The following OR51G2 variants were observed in gnomAD, a reference collection of about 807,000 sequenced individuals.
OR51G2 encodes olfactory receptor 51G2.
A neutral mutation model predicts 11.8 loss-of-function variants in OR51G2; 13 were observed. The observed-to-expected ratio is 1.10, with a 90% CI of 0.72 to 1.76. The LOEUF (loss-of-function observed/expected upper bound fraction) is 1.76, where lower values mean the gene tolerates loss of function less well. OR51G2 is among the 40% of genes most tolerant of loss of function. The probability of loss-of-function intolerance (pLI) is 0.00; values close to 1 mark genes in which losing one functional copy is unlikely to be tolerated. For missense variants in OR51G2, 474 were observed against 394.4 expected (o/e 1.20, Z -1.71); for synonymous variants, 178 against 151.9 (o/e 1.17, Z -1.26).
At position 4,915,034 on chromosome 11, in the gene OR51G2, A is replaced by C; in HGVS notation, c.630T>G (p.Ser210=). ...NSIYGMFVIV[S]TVGIDSLLIL... is the part of the protein sequence containing the mutation. ...TGAGCAGTGAGTCTATACCCACTGT[A>C]GAGACGATGACAAACATGCCGTAGA... is the stretch of plus-strand genomic sequence containing the variant. Residue 210 remains serine, a synonymous_variant, in exon 2 of 2, where the codon TCT becomes TCG. Transcript: ENST00000641926. 6.2e-7 allele frequency: 1 copy of C among 1,614,166 alleles called. No homozygotes were observed. The highest frequency in any genetic ancestry group is 8.5e-7 in the Non-Finnish European group (1 of 1,180,018).
chr11:4,914,670 G>T lies in OR51G2; in HGVS notation c.*49C>A, dbSNP rs778212931. 1.6e-6 allele frequency: 2 copies of T among 1,279,934 alleles called. No individual in the cohort carries two copies. Among genetic ancestry groups the T allele is most frequent in the South Asian group, 1.3e-5 (1 of 74,492 alleles). The allele number at this position is 1,279,934 out of a possible 1,614,324, so 79.3% of individuals were successfully genotyped here. The stretch of plus-strand genomic sequence containing the variant: ...GCATGTTAGAAATTATAAAGGATAG[G>T]CAAACAAGGGCACGTTTCAGGAGAC... On this transcript the variant is annotated 3_prime_UTR_variant, in exon 2 of 2. Coordinates refer to ENST00000641926, the MANE Select transcript of OR51G2 (RefSeq NM_001005238.2).
In OR51G2 at chr11:4,914,832, G is replaced by C. The variant is rs1564806093; in HGVS notation, c.832C>G (p.Gln278Glu). Residue 278 changes from glutamine (Q) to glutamate (E), a missense_variant, in exon 2 of 2, where the codon CAG becomes GAG. Physicochemically the swap from Gln to Glu is conservative, Grantham distance 29. Transcript: ENST00000641926. ...RFGKQAPHLV[Q>E]VVMGFMYLLF... ...AGATACATGAAACCCATGACCACCT[G>C]GACCAGGTGGGGTGCCTGCTTTCCA... 1 of 1,614,042 alleles carries C rather than the reference G, an allele frequency of 6.2e-7. No homozygotes were observed. Among genetic ancestry groups the C allele is most frequent in the African/African-American group, 1.3e-5 (1 of 75,030 alleles).
At position 4,914,993 on chromosome 11, in the gene OR51G2, G is replaced by A. The variant is rs200691528; in HGVS notation, c.671C>T (p.Ala224Val). Residue 224 changes from alanine to valine, a missense_variant, in exon 2 of 2, where the codon GCT (alanine) becomes GTT (valine). Coordinates refer to ENST00000641926, the MANE Select transcript of OR51G2 (RefSeq NM_001005238.2). ...IDSLLILFSY[A>V]LILRTVLSIA... ...GGACAGCACGGTGCGCAGGATCAGA[G>A]CATAAGAGAAGAGGATGAGCAGTGA... The A allele has an allele frequency of 8.7e-6, 14 of 1,614,114 alleles. No homozygotes were observed. The highest frequency in any genetic ancestry group is 1.7e-5 in the Admixed American group (1 of 60,018).
intron 1 of OR51G2, among the ~76,000 whole-genome samples, chr11:4,918,789 A>G (rs1296943330): frequency 6.6e-6 from 1 of 152,192 alleles, no homozygotes; most frequent in Non-Finnish European, 1.5e-5. Context: ...TGATTCTATT[A>G]TAATAGACCA....
chr11:4,915,695 C>T lies in OR51G2; in HGVS notation c.-32G>A, dbSNP rs760839757. The stretch of plus-strand genomic sequence containing the variant: ...AGGAGACAAGGGGGAAGGTGGGTGC[C>T]CTCCAAAATCCTGAAGTAAATTGAG... On this transcript the variant is annotated 5_prime_UTR_variant, in exon 2 of 2. Transcript: ENST00000641926. The T allele has an allele frequency of 6.0e-6, 9 of 1,501,190 alleles. No individual in the cohort carries two copies. In the African/African-American group the frequency reaches 1.1e-4, roughly 19 times the overall value. The allele number at this position is 1,501,190 out of a possible 1,614,324, so 93.0% of individuals were successfully genotyped here. A position where few individuals can be genotyped will look rare whatever the true frequency, so the allele number is the denominator to read the frequency against.
intron 1 of OR51G2, 89 bp downstream of exon 1, chr11:4,919,088 G>A (rs139673325): frequency 6.6e-6 from 1 of 152,360 alleles, no homozygotes; most frequent in African/African-American, 2.4e-5. Context: ...ATTGACTGAT[G>A]TGAGAAAGCT....
chr11:4,916,298 A>G (rs931757092), intron 1 of OR51G2, among the ~76,000 whole-genome samples: 4 of 151,902 alleles, frequency 2.6e-5, no homozygotes, highest in African/African-American at 9.7e-5. Context: ...CTTGTGTTGT[A>G]GTCCTTGCTC....
At chr11:4,918,696 T>C (rs1038338368) in intron 1 of OR51G2, among the ~76,000 whole-genome samples, 1 of 152,164 alleles carries the variant, frequency 6.6e-6, no homozygotes, top group African/African-American at 2.4e-5. Context: ...CAAGATAGAC[T>C]TAATCCATGG....
rs200340167 is a variant in OR51G2 at position 4,914,778 on chromosome 11, C to A, written c.886G>T (p.Val296Phe). 2.5e-6 allele frequency: 4 copies of A among 1,614,014 alleles called. No individual in the cohort carries two copies. The African/African-American group carries it at 5.3e-5, about 22-fold the overall frequency. The change falls in exon 2 of 2, where the codon GTC (valine) becomes TTC (phenylalanine). Residue 296 changes from valine to phenylalanine, a missense_variant. Transcript: ENST00000641926. The stretch of plus-strand genomic sequence containing the variant: ...ATCTGTTTGGTCTTCACACTGTAGA[C>A]AATGGGATTCATCACAGGAGGAAAG... ...LLFPPVMNPI[V>F]YSVKTKQIRD...
chr11:4,913,480 T>C lies in OR51G2; in HGVS notation c.*1239A>G, dbSNP rs1851023643. 1.3e-5 allele frequency: 2 copies of C among 152,210 alleles called. No homozygotes were observed. Among genetic ancestry groups the C allele is most frequent in the African/African-American group, 4.8e-5 (2 of 41,448 alleles). The allele number at this position is 152,210 out of a possible 1,614,324, so 9.4% of individuals were successfully genotyped here. ...GGCAATATCACATTCAAGCTTGCTT[T>C]CCTCACAGTTACCTCCAAGCCCAAA... is the stretch of plus-strand genomic sequence containing the variant. On this transcript the variant is annotated 3_prime_UTR_variant, in exon 2 of 2. Coordinates refer to ENST00000641926, the MANE Select transcript of OR51G2 (RefSeq NM_001005238.2).
chr11:4,915,810 G>T (rs2595978), intron 1 of OR51G2, 71 bp from the exon 2 acceptor site: 467,349 of 538,100 alleles, frequency 0.87, 203,711 homozygotes, highest in East Asian at 0.92. Flanking sequence ...TAGTGGTTAT[G>T]TCTTTCTGGT....
chr11:4,914,838 G>T lies in OR51G2; in HGVS notation c.826C>A (p.Leu276Met), dbSNP rs753888356. Reference sequence around the variant, plus strand: ...ATGAAACCCATGACCACCTGGACCAGGTGGGGTGCCTGCTTTCCAAAGCGA... The same window carrying T: ...ATGAAACCCATGACCACCTGGACCATGTGGGGTGCCTGCTTTCCAAAGCGA... ...IHRFGKQAPH[L>M]VQVVMGFMYL... Residue 276 changes from leucine to methionine, a missense_variant, in exon 2 of 2, where the codon CTG becomes ATG. Transcript: ENST00000641926. 13 of 1,613,956 alleles carry T rather than the reference G, an allele frequency of 8.1e-6. No homozygotes were observed. Among genetic ancestry groups the T allele is most frequent in the Non-Finnish European group, 1.0e-5 (12 of 1,179,992 alleles).
At chr11:4,917,420 T>G (rs1195012349) in intron 1 of OR51G2, among the ~76,000 whole-genome samples, 1 of 152,238 alleles carries the variant, frequency 6.6e-6, no homozygotes, top group Non-Finnish European at 1.5e-5. Flanking sequence ...TAATTCAGTG[T>G]CAAGTGGCAG....
chr11:4,914,251 G>A lies in OR51G2; in HGVS notation c.*468C>T, dbSNP rs560184289. Reference sequence around the variant, plus strand: ...CACCTACATGGGCCTTCTCCACGTCGCCTGGGCTTCCTCTTAGAATAGGGG... The same window carrying A: ...CACCTACATGGGCCTTCTCCACGTCACCTGGGCTTCCTCTTAGAATAGGGG... On this transcript the variant is annotated 3_prime_UTR_variant, in exon 2 of 2. Coordinates refer to ENST00000641926, the MANE Select transcript of OR51G2 (RefSeq NM_001005238.2). 10 of 158,166 alleles carry A rather than the reference G, an allele frequency of 6.3e-5. No individual in the cohort carries two copies. The highest frequency in any genetic ancestry group is 8.4e-5 in the Non-Finnish European group (6 of 71,776). 9.8% of individuals were successfully genotyped at this position (158,166 alleles called of 1,614,324 possible). A position where few individuals can be genotyped will look rare whatever the true frequency, so the allele number is the denominator to read the frequency against.
In OR51G2 at chr11:4,914,670, G is replaced by A. The variant is rs778212931; in HGVS notation, c.*49C>T. The A allele has an allele frequency of 7.8e-7, 1 of 1,279,934 alleles. No individual in the cohort carries two copies. Among genetic ancestry groups the A allele is most frequent in the East Asian group, 2.4e-5 (1 of 41,940 alleles). The allele number at this position is 1,279,934 out of a possible 1,614,324, so 79.3% of individuals were successfully genotyped here. Reference sequence around the variant, plus strand: ...GCATGTTAGAAATTATAAAGGATAGGCAAACAAGGGCACGTTTCAGGAGAC... The same window carrying A: ...GCATGTTAGAAATTATAAAGGATAGACAAACAAGGGCACGTTTCAGGAGAC... On this transcript the variant is annotated 3_prime_UTR_variant, in exon 2 of 2. Coordinates refer to ENST00000641926, the MANE Select transcript of OR51G2 (RefSeq NM_001005238.2).
At position 4,915,474 on chromosome 11, in the gene OR51G2, T is replaced by C. The variant is rs1477626000; in HGVS notation, c.190A>G (p.Met64Val). 6 of 1,613,864 alleles carry C rather than the reference T, an allele frequency of 3.7e-6. No homozygotes were observed. Among genetic ancestry groups the C allele is most frequent in the Admixed American group, 1.7e-5 (1 of 59,994 alleles). The change falls in exon 2 of 2, where the codon ATG becomes GTG. Residue 64 changes from methionine (M) to valine (V), a missense_variant. Transcript: ENST00000641926. ...GCCAGCATGGACAGGAAGAGATACA[T>C]AGGTTCATGAAGTGAGCGCTCTGTT... ...IKTERSLHEP[M>V]YLFLSMLALI...
chr11:4,915,284 C>G lies in OR51G2; in HGVS notation c.380G>C (p.Arg127Pro). The change falls in exon 2 of 2, where the codon CGC becomes CCC. Residue 127 changes from arginine to proline, a missense_variant. Arg to Pro is a moderately radical substitution (Grantham distance 103). Transcript: ENST00000641926. ...SSVLLSMAFD[R>P]FVAICHPLHY... ...CAAGGGGTGGCAGATAGCCACAAAG[C>G]GGTCAAAGGCCATAGACAGTAGCAC... The G allele has an allele frequency of 6.2e-7, 1 of 1,613,796 alleles. No homozygotes were observed. Among genetic ancestry groups the G allele is most frequent in the Non-Finnish European group, 8.5e-7 (1 of 1,179,976 alleles).
rs1851027610 is a variant in OR51G2 at position 4,913,711 on chromosome 11, T to C, written c.*1008A>G. 1 of 152,166 alleles carries C rather than the reference T, an allele frequency of 6.6e-6. No homozygotes were observed. Among genetic ancestry groups the C allele is most frequent in the African/African-American group, 2.4e-5 (1 of 41,448 alleles). 9.4% of individuals were successfully genotyped at this position (152,166 alleles called of 1,614,324 possible). A position where few individuals can be genotyped will look rare whatever the true frequency, so the allele number is the denominator to read the frequency against. ...TAAACCTTCCTGACATTCTAGAGAA[T>C]AAAAATGGCAACAAAAACAACACTT... On this transcript the variant is annotated 3_prime_UTR_variant, in exon 2 of 2. Coordinates refer to ENST00000641926, the MANE Select transcript of OR51G2 (RefSeq NM_001005238.2).
Position 4,915,365 on chromosome 11 carries a change from T to C in OR51G2, c.299A>G (p.Asp100Gly), listed in dbSNP as rs758657220. The C allele has an allele frequency of 4.3e-6, 7 of 1,613,922 alleles. No homozygotes were observed. Among genetic ancestry groups the C allele is most frequent in the Non-Finnish European group, 5.9e-6 (7 of 1,180,014 alleles). ...FWVGAREISH[D>G]ACFAQLFFIH... ...GAAAAAGAGCTGAGCAAAGCAGGCA[T>C]CATGGCTAATTTCTCGTGCTCCAAC... is the stretch of plus-strand genomic sequence containing the variant. Residue 100 changes from aspartate to glycine, a missense_variant, in exon 2 of 2, where the codon GAT becomes GGT. Asp to Gly is a moderately conservative substitution (Grantham distance 94). Transcript: ENST00000641926.
Sources: allele counts gnomAD v4.1 joint callset (sites outside exome capture counted in the v4.1 genomes callset), GRCh38; gene constraint gnomAD v4.1.1; transcripts MANE v1.5; gene names NCBI Gene and HGNC (gene_info 2026-07-23, HGNC 2026-07-21).